Variants in GPR39 observed in about 807,000 individuals in gnomAD.
GPR39 encodes zinc sensing receptor.
Under a neutral mutation model 18.4 loss-of-function variants are expected in GPR39, and 23 were observed. The observed-to-expected ratio is 1.25, with a 90% CI of 0.90 to 1.77. The LOEUF (loss-of-function observed/expected upper bound fraction) is 1.77, where lower values mean the gene tolerates loss of function less well. Ranked by LOEUF, GPR39 falls within the 40% of genes most tolerant of loss-of-function variation. The pLI is 0.00. For missense variants in GPR39, 647 were observed against 602.4 expected (o/e 1.07, Z -0.78); for synonymous variants, 280 against 257.9 (o/e 1.09, Z -0.82).
intron 1 of GPR39, among the ~76,000 whole-genome samples, chr2:132,520,899 G>A (rs952792437): frequency 3.9e-5 from 6 of 152,326 alleles, no homozygotes; most frequent in Admixed American, 2.0e-4. Context: ...GAAGGGGTCA[G>A]AGAGAGGGAT....
At chr2:132,482,379 TC>T (rs1305920179) in intron 1 of GPR39, among the ~76,000 whole-genome samples, 1 of 152,172 alleles carries the variant, frequency 6.6e-6, no homozygotes, top group African/African-American at 2.4e-5. Context: ...TGCCTTTTCC[TC>T]CCCCAAATCC....
intron 1 of GPR39, among the ~76,000 whole-genome samples, chr2:132,534,893 G>C (rs1202410775): frequency 6.6e-6 from 1 of 152,042 alleles, no homozygotes; most frequent in Non-Finnish European, 1.5e-5. Context: ...AATGCTAAAT[G>C]ACGAGTTAAG....
At chr2:132,433,035 A>G (rs2104760068) in intron 1 of GPR39, among the ~76,000 whole-genome samples, 1 of 152,314 alleles carries the variant, frequency 6.6e-6, no homozygotes, top group East Asian at 1.9e-4. Context: ...TACTTTTTGG[A>G]GATTTGTGAC....
intron 1 of GPR39, among the ~76,000 whole-genome samples, chr2:132,569,647 A>G (rs1680408961): frequency 6.6e-6 from 1 of 151,768 alleles, no homozygotes; most frequent in East Asian, 1.9e-4. Flanking sequence ...GGGGGGTCCC[A>G]TCGTTCCCTA....
chr2:132,612,272 G>A (rs988636307), intron 1 of GPR39, among the ~76,000 whole-genome samples: 1 of 151,976 alleles, frequency 6.6e-6, no homozygotes, highest in Non-Finnish European at 1.5e-5. Context: ...TTCCCTCCAT[G>A]GTTTCTGCTC....
intron 1 of GPR39, among the ~76,000 whole-genome samples, chr2:132,543,475 T>A (rs1679894192): frequency 6.6e-6 from 1 of 152,134 alleles, no homozygotes; most frequent in Admixed American, 6.5e-5. Context: ...TCCCTTACTA[T>A]CTTCCTAAAG....
intron 1 of GPR39, among the ~76,000 whole-genome samples, chr2:132,536,877 C>T (rs1407737053): frequency 1.3e-5 from 2 of 152,184 alleles, no homozygotes; most frequent in African/African-American, 4.8e-5. Flanking sequence ...TTATCAAAGA[C>T]TAGGATTGCA....
At chr2:132,534,746 A>T (rs1282319806) in intron 1 of GPR39, among the ~76,000 whole-genome samples, 1 of 152,012 alleles carries the variant, frequency 6.6e-6, no homozygotes, top group African/African-American at 2.4e-5. Context: ...AGGACAAAAA[A>T]CTAAACACCA....
intron 1 of GPR39, among the ~76,000 whole-genome samples, chr2:132,480,568 G>A (rs1290308643): frequency 2.6e-5 from 4 of 152,148 alleles, no homozygotes; most frequent in Non-Finnish European, 4.4e-5. Context: ...ACAGGAGGAA[G>A]GAAGAGGAGT....
intron 1 of GPR39, among the ~76,000 whole-genome samples, chr2:132,603,427 G>A (rs928668256): frequency 6.6e-6 from 1 of 152,160 alleles, no homozygotes; most frequent in African/African-American, 2.4e-5. Context: ...ATTACAGCTA[G>A]AGAGGAGGTA....
At chr2:132,450,941 T>C (rs990464484) in intron 1 of GPR39, among the ~76,000 whole-genome samples, 2 of 152,232 alleles carry the variant, frequency 1.3e-5, no homozygotes, top group African/African-American at 4.8e-5. Context: ...TTGCCTTATG[T>C]GCTTGACTTT....
In GPR39 at chr2:132,418,839, C is replaced by T. The variant is rs182303574; in HGVS notation, c.856+941C>T. Among the ~76,000 whole-genome samples, 48 of 152,198 alleles carry T rather than the reference C, an allele frequency of 3.2e-4. 2 individuals are homozygous for T. In the South Asian group the frequency reaches 4.1e-3, roughly 13 times the overall value. On this transcript the variant is annotated intron_variant, in intron 1 of 1. Coordinates refer to ENST00000329321, the MANE Select transcript of GPR39 (RefSeq NM_001508.3). ...GAAACAATAAAAAGGATGTATTGTGCGTGTGTGAATCAAAAAGGAATAGAT... is the reference window on the plus strand; with the variant it reads ...GAAACAATAAAAAGGATGTATTGTGTGTGTGTGAATCAAAAAGGAATAGAT...
chr2:132,508,315 A>T (rs1002672783), intron 1 of GPR39, among the ~76,000 whole-genome samples: 1 of 152,128 alleles, frequency 6.6e-6, no homozygotes, highest in Non-Finnish European at 1.5e-5. Flanking sequence ...AGTCTCATCA[A>T]AGGACTTCAG....
intron 1 of GPR39, among the ~76,000 whole-genome samples, chr2:132,439,160 A>C (rs557985147): frequency 2.0e-5 from 3 of 152,344 alleles, no homozygotes; most frequent in East Asian, 3.9e-4. Context: ...ATTAGATGTG[A>C]AATTTGATTT....
chr2:132,613,254 G>C (rs752991501), intron 1 of GPR39, among the ~76,000 whole-genome samples: 4 of 152,088 alleles, frequency 2.6e-5, no homozygotes, highest in Non-Finnish European at 1.5e-5. Context: ...CTGTGCTCTA[G>C]CTCTGTCGCA....
chr2:132,428,284 C>T (rs1680164475), intron 1 of GPR39, among the ~76,000 whole-genome samples: 1 of 152,108 alleles, frequency 6.6e-6, no homozygotes, highest in South Asian at 2.1e-4. Flanking sequence ...ATTTATGAAA[C>T]TTAAGTTGTG....
chr2:132,625,439 G>C (rs142826093), intron 1 of GPR39, among the ~76,000 whole-genome samples: 1 of 152,218 alleles, frequency 6.6e-6, no homozygotes, highest in African/African-American at 2.4e-5. Flanking sequence ...GGGGAGTTGT[G>C]GATAATAAGC....
chr2:132,475,714 A>G (rs1681114304), intron 1 of GPR39, among the ~76,000 whole-genome samples: 1 of 152,200 alleles, frequency 6.6e-6, no homozygotes, highest in South Asian at 2.1e-4. Context: ...TCTGATTTTC[A>G]GTGCAGTTGG....
rs200486809 is a variant in GPR39, at chr2:132,453,852, G to A, written c.856+35954G>A. 7.9e-5 allele frequency among the ~76,000 whole-genome samples: 12 copies of A among 152,200 alleles called. No homozygotes were observed. In the East Asian group the frequency reaches 1.9e-3, roughly 25 times the overall value. On this transcript the variant is annotated intron_variant, in intron 1 of 1. Transcript: ENST00000329321. ...TTCATTGGTCTATATGTCTGTTTTG[G>A]TATCAGCACCATGCTGTTTTGGTTA...
Sources: gnomAD v4.1 joint callset for allele counts (sites outside exome capture counted in the v4.1 genomes callset) on GRCh38, gnomAD v4.1.1 for gene constraint, MANE v1.5 for transcripts, NCBI Gene and HGNC (gene_info 2026-07-23, HGNC 2026-07-21) for gene names.